The following GAL3ST1 variants were observed in gnomAD, a reference collection of about 807,000 sequenced individuals.
GAL3ST1 encodes galactosylceramide sulfotransferase.
Under a neutral mutation model 25.0 loss-of-function variants are expected in GAL3ST1, and 13 were observed. The ratio of observed to expected loss-of-function variants is 0.52; its 90% CI spans 0.34 to 0.83. The LOEUF is 0.83. Ranked by LOEUF, GAL3ST1 falls within the 40% of genes least tolerant of loss-of-function variation. GAL3ST1 has a pLI of 0.02. For missense variants in GAL3ST1, 474 were observed against 613.6 expected, an observed-to-expected ratio of 0.77 and a Z score of 2.40; for synonymous variants, 274 against 277.8, an observed-to-expected ratio of 0.99 and a Z score of 0.14.
rs755767862 is a variant in GAL3ST1, at chr22:30,555,883, G to A, written c.342C>T (p.Asp114=). 14 of 1,614,088 alleles carry A rather than the reference G, an allele frequency of 8.7e-6. 1 individual carries two copies. The South Asian group carries it at 1.4e-4, about 16-fold the overall frequency. Residue 114 remains aspartate (D), a synonymous_variant, in exon 4 of 4, where the codon GAC becomes GAT. Transcript: ENST00000406361. The surrounding 1 kb of genome is among the most constrained non-coding windows in gnomAD (Gnocchi z 8.6). ...LKFAFPNGRN[D]FDYPTFFARS... Reference sequence around the variant, plus strand: ...GGGCGAAGAAGGTCGGGTAGTCGAAGTCATTGCGGCCGTTAGGGAAGGCGA... The same window carrying A: ...GGGCGAAGAAGGTCGGGTAGTCGAAATCATTGCGGCCGTTAGGGAAGGCGA...
intron 1 of GAL3ST1, among the ~76,000 whole-genome samples, chr22:30,561,403 C>T (rs1041042153): frequency 6.6e-6 from 1 of 152,186 alleles, no homozygotes. Context: ...CTAACTGACC[C>T]TACTCAGCAA....
intron 1 of GAL3ST1, among the ~76,000 whole-genome samples, chr22:30,559,985 G>C (rs1304894600): frequency 1.3e-5 from 2 of 152,198 alleles, no homozygotes; most frequent in Admixed American, 6.5e-5. Flanking sequence ...CCTGGAGTCA[G>C]TCCCCCTGGG....
chr22:30,568,412 C>A (rs556457507), intron 1 of GAL3ST1, among the ~76,000 whole-genome samples: 73 of 152,264 alleles, frequency 4.8e-4, no homozygotes, highest in African/African-American at 1.7e-3. Flanking sequence ...GTGGGTGGAC[C>A]TTTTCTGTGG....
intron 1 of GAL3ST1, among the ~76,000 whole-genome samples, chr22:30,569,920 A>G (rs540937817): frequency 6.6e-6 from 1 of 152,280 alleles, no homozygotes; most frequent in East Asian, 1.9e-4. Context: ...CCATCTGTAT[A>G]AAAAATTTAA....
At chr22:30,560,638 G>A (rs1442486775) in intron 1 of GAL3ST1, 2 of 152,064 alleles carry the variant, frequency 1.3e-5, no homozygotes, top group Non-Finnish European at 2.9e-5. Context: ...CAAAACTCTG[G>A]GCCTCAGTTT....
In GAL3ST1 at chr22:30,559,128, T is replaced by C. The variant is rs1425881681; in HGVS notation, c.-119-740A>G. 2.0e-5 allele frequency among the ~76,000 whole-genome samples: 3 copies of C among 152,140 alleles called. No homozygotes were observed. The East Asian group carries it at 5.8e-4, about 29-fold the overall frequency. On this transcript the variant is annotated intron_variant, in intron 1 of 3. Coordinates refer to ENST00000406361, the MANE Select transcript of GAL3ST1 (RefSeq NM_001318104.2). ...AGCCAAGATGGTGCCACTGTATTCCTGCCTGGGTGACAGAGTGAGACTCTG... is the reference window on the plus strand; with the variant it reads ...AGCCAAGATGGTGCCACTGTATTCCCGCCTGGGTGACAGAGTGAGACTCTG...
chr22:30,567,489 G>A (rs1330720184), intron 1 of GAL3ST1, among the ~76,000 whole-genome samples: 1 of 151,872 alleles, frequency 6.6e-6, no homozygotes, highest in Non-Finnish European at 1.5e-5. Flanking sequence ...ATGTTGTCCA[G>A]GCTGGTCTTG....
At chr22:30,559,745 T>C (rs925532903) in intron 1 of GAL3ST1, among the ~76,000 whole-genome samples, 2 of 152,136 alleles carry the variant, frequency 1.3e-5, no homozygotes, top group African/African-American at 4.8e-5. Flanking sequence ...GACTGAGACA[T>C]GGACTGTAAC....
intron 1 of GAL3ST1, among the ~76,000 whole-genome samples, chr22:30,562,680 C>A (rs1413671378): frequency 1.3e-5 from 2 of 152,314 alleles, no homozygotes; most frequent in East Asian, 3.9e-4. Flanking sequence ...CTTCCCATGA[C>A]CCTCAGGGCA....
At chr22:30,561,212 G>A (rs2086391830) in intron 1 of GAL3ST1, among the ~76,000 whole-genome samples, 1 of 152,214 alleles carries the variant, frequency 6.6e-6, no homozygotes, top group Admixed American at 6.5e-5. Context: ...CCAAAGTGTT[G>A]GGATTACAGG....
chr22:30,564,095 T>A (rs1286115811), intron 1 of GAL3ST1, among the ~76,000 whole-genome samples: 3 of 152,172 alleles, frequency 2.0e-5, no homozygotes, highest in Non-Finnish European at 4.4e-5. Flanking sequence ...GCATTTCGGA[T>A]AAGGGATACT....
chr22:30,560,414 C>T (rs1033148172), intron 1 of GAL3ST1: 1 of 152,150 alleles, frequency 6.6e-6, no homozygotes, highest in Non-Finnish European at 1.5e-5. Context: ...CTCTGGAGAA[C>T]TTTTCTAAGC....
At chr22:30,559,820 C>T (rs1197114272) in intron 1 of GAL3ST1, among the ~76,000 whole-genome samples, 1 of 152,226 alleles carries the variant, frequency 6.6e-6, no homozygotes, top group Non-Finnish European at 1.5e-5. Flanking sequence ...GCCTTCCCAC[C>T]TCCCCTTAGC....
chr22:30,567,130 T>C (rs1358289232), intron 1 of GAL3ST1, among the ~76,000 whole-genome samples: 2 of 151,858 alleles, frequency 1.3e-5, no homozygotes, highest in Non-Finnish European at 2.9e-5. Context: ...CAAAAACTTT[T>C]TCAATGATAA....
intron 3 of GAL3ST1, among the ~76,000 whole-genome samples, chr22:30,556,550 G>A (rs1337214153): frequency 6.6e-6 from 1 of 152,160 alleles, no homozygotes; most frequent in Admixed American, 6.5e-5. Context: ...TGAGGAAACG[G>A]GAGAGCCTGG....
intron 1 of GAL3ST1, among the ~76,000 whole-genome samples, chr22:30,565,412 A>C (rs2086591957): frequency 6.6e-6 from 1 of 152,230 alleles, no homozygotes; most frequent in African/African-American, 2.4e-5. Context: ...GTACATACGC[A>C]GACTTGCCAA....
At chr22:30,573,491 G>A (rs1173465638) in intron 1 of GAL3ST1, among the ~76,000 whole-genome samples, 2 of 152,174 alleles carry the variant, frequency 1.3e-5, no homozygotes, top group African/African-American at 4.8e-5. Context: ...CTGCCCTCCT[G>A]TGCCCCCTGT....
intron 3 of GAL3ST1, among the ~76,000 whole-genome samples, chr22:30,556,560 G>C (rs1237150726): frequency 1.3e-5 from 2 of 152,150 alleles, no homozygotes; most frequent in Non-Finnish European, 2.9e-5. Context: ...GGAGAGCCTG[G>C]TTCTCAGGAG....
chr22:30,571,365 T>C (rs1336852341), intron 1 of GAL3ST1, among the ~76,000 whole-genome samples: 1 of 152,134 alleles, frequency 6.6e-6, no homozygotes, highest in African/African-American at 2.4e-5. Context: ...AGACCACCTA[T>C]TGGAGCATTT....
Sources: allele counts gnomAD v4.1 joint callset (sites outside exome capture counted in the v4.1 genomes callset), GRCh38; gene constraint gnomAD v4.1.1; non-coding constraint Gnocchi (gnomAD v3.1); transcripts MANE v1.5; gene names NCBI Gene and HGNC (gene_info 2026-07-23, HGNC 2026-07-21).